DOP1B: variants seen among roughly 807,000 people sequenced by gnomAD.
DOP1B encodes the protein DOP1 leucine zipper like protein B, also known as protein DOP1B.
In DOP1B, 174 loss-of-function variants were observed where a neutral mutation model predicts 233.5. The ratio of observed to expected loss-of-function variants is 0.75; its 90% confidence interval spans 0.66 to 0.85. DOP1B has a LOEUF of 0.85. Among genes scored for constraint, DOP1B ranks in the 40% least tolerant of loss-of-function variants. The probability of loss-of-function intolerance (pLI) is 0.00; values close to 1 mark genes in which losing one functional copy is unlikely to be tolerated. For missense variants in DOP1B, 2,652 were observed against 2,846.6 expected (o/e 0.93, Z 1.56); for synonymous variants, 1,190 against 1,185.6 (o/e 1.00, Z -0.08).
chr21:36,227,645 G>C, intron 12 of DOP1B, 41 bp from the exon 13 acceptor site: 1 of 1,435,214 alleles, frequency 7.0e-7, no homozygotes. Flanking sequence ...TTCTGATTGT[G>C]AACCAACATT....
At chr21:36,218,946 G>A (rs1213755970) in intron 9 of DOP1B, among the ~76,000 whole-genome samples, 1 of 152,206 alleles carries the variant, frequency 6.6e-6, no homozygotes, top group Non-Finnish European at 1.5e-5. Context: ...TTTCTGTTGA[G>A]TAACGTCCCT....
chr21:36,235,635 G>T (rs1192579965), intron 15 of DOP1B, among the ~76,000 whole-genome samples: 1 of 152,070 alleles, frequency 6.6e-6, no homozygotes, highest in African/African-American at 2.4e-5. Flanking sequence ...GGCTGAGGTG[G>T]GAGGATCACT....
At chr21:36,289,816 C>T (rs1010821988) in intron 35 of DOP1B, among the ~76,000 whole-genome samples, 28 of 152,102 alleles carry the variant, frequency 1.8e-4, no homozygotes, top group African/African-American at 6.5e-4. Flanking sequence ...CTGTATGATT[C>T]CAACCATGTG....
chr21:36,183,189 A>T (rs1455965480), intron 2 of DOP1B, among the ~76,000 whole-genome samples: 2 of 152,046 alleles, frequency 1.3e-5, no homozygotes, highest in Non-Finnish European at 2.9e-5. Context: ...AGCTCTCTGT[A>T]GGATGCTTAT....
chr21:36,193,944 A>G (rs139650622), intron 2 of DOP1B, among the ~76,000 whole-genome samples: 34 of 152,298 alleles, frequency 2.2e-4, no homozygotes, highest in Non-Finnish European at 4.4e-4. Context: ...GCAGTATGCT[A>G]AATTCTTTAT....
At chr21:36,232,458 G>A (rs1344640054) in intron 14 of DOP1B, among the ~76,000 whole-genome samples, 7 of 152,204 alleles carry the variant, frequency 4.6e-5, no homozygotes, top group Admixed American at 2.6e-4. Flanking sequence ...GGTGCTGGCC[G>A]GCAACCCTTG....
At chr21:36,187,729 T>TG (rs2066180371) in intron 2 of DOP1B, among the ~76,000 whole-genome samples, 1 of 152,182 alleles carries the variant, frequency 6.6e-6, no homozygotes, top group African/African-American at 2.4e-5. Flanking sequence ...TGCCTCAGCC[T>TG]CCCAAGTAGC....
intron 21 of DOP1B, among the ~76,000 whole-genome samples, chr21:36,250,182 C>T (rs1275646029): frequency 2.6e-5 from 4 of 152,162 alleles, no homozygotes; most frequent in Non-Finnish European, 5.9e-5. Flanking sequence ...CCCTCTAGAG[C>T]AGAAGCCATG....
At chr21:36,235,868 G>GGT (rs963093358) in intron 15 of DOP1B, among the ~76,000 whole-genome samples, 6 of 147,842 alleles carry the variant, frequency 4.1e-5, no homozygotes, top group Admixed American at 1.4e-4. Context: ...GAAGTCGGGG[G>GGT]GGGGGCGGTC....
chr21:36,158,802 C>CAAAAAAAAAAA (rs386394681), intron 1 of DOP1B, among the ~76,000 whole-genome samples: 1 of 93,830 alleles, frequency 1.1e-5, no homozygotes, highest in Non-Finnish European at 2.0e-5. Flanking sequence ...ACTCTTGTCT[C>CAAAAAAAAAAA]AAAAAAAAAA....
At position 36,288,032 on chromosome 21, in the gene DOP1B, T is replaced by C; in HGVS notation, c.6179T>C (p.Leu2060Pro). ...TCCTTAGAACGCCTGACAGACAATC[T>C]CAGAGTTGGACAGACATCCATAGTT... The part of the protein sequence containing the change: ...PLIQERLTDN[L>P]RVGQTSIVAA... The change falls in exon 33 of 37, where the codon CTC becomes CCC. Residue 2060 changes from leucine (L) to proline (P), a missense_variant. This residue lies in a region of DOP1B where 2,617 missense variants were observed against 2,794.3 expected (regional missense o/e 0.94). Transcript: ENST00000691173. The C allele has an allele frequency of 6.2e-7, 1 of 1,613,622 alleles. No individual in the cohort carries two copies. The highest frequency in any genetic ancestry group is 8.5e-7 in the Non-Finnish European group (1 of 1,179,916).
intron 12 of DOP1B, among the ~76,000 whole-genome samples, chr21:36,226,487 C>T (rs1168669475): frequency 6.6e-6 from 1 of 151,988 alleles, no homozygotes; most frequent in African/African-American, 2.4e-5. Context: ...TTAGTAGAGA[C>T]AGGGTTTCAC....
intron 15 of DOP1B, among the ~76,000 whole-genome samples, chr21:36,236,777 C>CT (rs35374710): frequency 0.51 from 60,927 of 118,598 alleles, 16,815 homozygotes; most frequent in East Asian, 0.69. Context: ...TTTTCTTTTT[C>CT]TTTTTTTTTT....
chr21:36,270,408 C>CT (rs2067274345), intron 27 of DOP1B, among the ~76,000 whole-genome samples: 1 of 151,502 alleles, frequency 6.6e-6, no homozygotes, highest in Admixed American at 6.6e-5. Context: ...AAAAAATCAG[C>CT]TGGGCACAGT....
Position 36,227,697 on chromosome 21 carries a change from T to A in DOP1B, c.1485T>A (p.Ser495=), listed in dbSNP as rs1463324923. The change falls in exon 13 of 37, where the codon TCT becomes TCA. Residue 495 remains serine (S), a synonymous_variant. Coordinates refer to ENST00000691173, the MANE Select transcript of DOP1B (RefSeq NM_001320714.2). ...LLDVIPLELY[S]EVQTQYLPQV... is the part of the protein sequence containing the mutation. ...CGTTTATTTCACAGGAACTTTACTC[T>A]GAGGTGCAAACCCAGTATCTCCCTC... 3.2e-6 allele frequency: 5 copies of A among 1,552,312 alleles called. No homozygotes were observed. The highest frequency in any genetic ancestry group is 3.5e-6 in the Non-Finnish European group (4 of 1,142,752).
At chr21:36,157,616 C>T (rs1422460983) in intron 1 of DOP1B, among the ~76,000 whole-genome samples, 6 of 152,178 alleles carry the variant, frequency 3.9e-5, no homozygotes, top group Non-Finnish European at 8.8e-5. Context: ...GGAAGACCGT[C>T]CCCCCGGCCC....
Position 36,260,745 on chromosome 21 carries a change from C to A in DOP1B, c.5315+13C>A. ...CTTTTCTCCAAAGGTAATACAGTCC[C>A]CCGTCCTCCAAAAACTTCCTTAAAT... On this transcript the variant is annotated intron_variant, in intron 24 of 36. Transcript: ENST00000691173. The A allele has an allele frequency of 6.2e-7, 1 of 1,613,572 alleles. No individual in the cohort carries two copies. The highest frequency in any genetic ancestry group is 8.5e-7 in the Non-Finnish European group (1 of 1,179,860).
chr21:36,264,857 A>G lies in DOP1B; in HGVS notation c.5487+1043A>G, dbSNP rs182109318. Among the ~76,000 whole-genome samples, 14 of 152,346 alleles carry G rather than the reference A, an allele frequency of 9.2e-5. No individual in the cohort carries two copies. In the East Asian group the frequency reaches 2.7e-3, roughly 29 times the overall value. ...TCATAACAATTTGTTTAATACTGAA[A>G]AATAAAACTCATCATAGGAGAAGGA... On this transcript the variant is annotated intron_variant, in intron 26 of 36. Transcript: ENST00000691173.
intron 4 of DOP1B, among the ~76,000 whole-genome samples, chr21:36,206,797 C>T (rs1170069720): frequency 6.6e-6 from 1 of 152,196 alleles, no homozygotes; most frequent in Non-Finnish European, 1.5e-5. Context: ...GTTTACTCAG[C>T]CTTTAATAGA....
Sources: gnomAD v4.1 joint callset for allele counts (sites outside exome capture counted in the v4.1 genomes callset) on GRCh38, gnomAD v4.1.1 for gene constraint, gnomAD v4.1.1 regional missense constraint, MANE v1.5 for transcripts, NCBI Gene and HGNC (gene_info 2026-07-23, HGNC 2026-07-21) for gene names.